PCDHA9: variants seen among roughly 807,000 people sequenced by gnomAD.
PCDHA9 encodes the protein protocadherin alpha-9.
In PCDHA9, 62 loss-of-function variants were observed where a neutral mutation model predicts 62.0. That is an observed-to-expected ratio of 1.00 (90% confidence interval 0.81 to 1.23). The LOEUF is 1.23. PCDHA9 is among the 50% of genes most tolerant of loss of function. PCDHA9 has a pLI of 0.00. For synonymous variants in PCDHA9, 557 were observed against 567.6 expected, an observed-to-expected ratio of 0.98 and a Z score of 0.27; for missense variants, 1,205 against 1,249.8, an observed-to-expected ratio of 0.96 and a Z score of 0.54.
intron 1 of PCDHA9, among the ~76,000 whole-genome samples, chr5:140,934,109 A>G (rs2089636629): frequency 6.6e-6 from 1 of 151,948 alleles, no homozygotes; most frequent in Non-Finnish European, 1.5e-5. Flanking sequence ...CTATTTTATT[A>G]ATTTTCATAC....
chr5:140,957,954 T>G (rs2095401085), intron 1 of PCDHA9, among the ~76,000 whole-genome samples: 2 of 152,138 alleles, frequency 1.3e-5, no homozygotes, highest in Admixed American at 1.3e-4. Context: ...TTAAGACTAT[T>G]AATTCAGAGA....
intron 3 of PCDHA9, among the ~76,000 whole-genome samples, chr5:140,994,726 G>T (rs774837274): frequency 3.0e-4 from 45 of 151,958 alleles, no homozygotes; most frequent in Non-Finnish European, 3.7e-4. Flanking sequence ...TAAAATACTG[G>T]GTATTGCAGG....
rs2150481125 is a variant in PCDHA9 at position 140,850,365 on chromosome 5, G to A, written c.1870G>A (p.Val624Met). 1 of 1,597,962 alleles carries A rather than the reference G, an allele frequency of 6.3e-7. No homozygotes were observed. Among genetic ancestry groups the A allele is most frequent in the South Asian group, 1.1e-5 (1 of 90,556 alleles). The change falls in exon 1 of 4, where the codon GTG (valine) becomes ATG (methionine). Residue 624 changes from valine (V) to methionine (M), a missense_variant. Val to Met is a conservative substitution (Grantham distance 21). Coordinates refer to ENST00000532602, the MANE Select transcript of PCDHA9 (RefSeq NM_031857.2). The part of the protein sequence containing the change: ...ETASASIPFR[V>M]GLYTGEISTT... ...GGCCAGCGCGAGCATCCCGTTCCGC[G>A]TGGGGCTGTACACGGGCGAGATCAG...
chr5:140,908,836 T>C (rs1206116511), intron 1 of PCDHA9, among the ~76,000 whole-genome samples: 4 of 152,200 alleles, frequency 2.6e-5, no homozygotes, highest in African/African-American at 9.7e-5. Flanking sequence ...ATAAATGGGC[T>C]GGAGTAACAT....
intron 1 of PCDHA9, chr5:140,868,100 ATTTAT>A (rs2153230738): frequency 1.3e-5 from 2 of 152,260 alleles, no homozygotes; most frequent in South Asian, 2.1e-4. Context: ...TGATAATAAA[ATTTAT>A]TTTATAGTTG....
At chr5:140,936,869 A>C (rs1249048598) in intron 1 of PCDHA9, among the ~76,000 whole-genome samples, 3 of 152,168 alleles carry the variant, frequency 2.0e-5, no homozygotes, top group Non-Finnish European at 4.4e-5. Context: ...TTCTATTTTA[A>C]AAAACCCTGC....
At chr5:140,853,282 C>T in intron 1 of PCDHA9, 5 of 980,348 alleles carry the variant, frequency 5.1e-6, no homozygotes, top group Non-Finnish European at 6.1e-6. Flanking sequence ...TCATCATATG[C>T]AAATTCTCAG....
intron 1 of PCDHA9, chr5:140,877,356 T>G (rs1227079705): frequency 9.9e-6 from 16 of 1,613,866 alleles, no homozygotes; most frequent in Non-Finnish European, 1.4e-5. Flanking sequence ...GGCTGTACAC[T>G]GGCGAGATCA....
At chr5:140,958,544 A>G (rs1218939069) in intron 1 of PCDHA9, among the ~76,000 whole-genome samples, 1 of 152,182 alleles carries the variant, frequency 6.6e-6, no homozygotes, top group Non-Finnish European at 1.5e-5. Flanking sequence ...TGATTTATGA[A>G]CCAATAAATG....
intron 1 of PCDHA9, chr5:140,854,468 A>G (rs1581342472): frequency 6.7e-6 from 1 of 150,046 alleles, no homozygotes; most frequent in African/African-American, 2.4e-5. Flanking sequence ...CCAGAGGAGT[A>G]GAGAAGTATA....
At chr5:140,917,127 C>T (rs1286418907) in intron 1 of PCDHA9, among the ~76,000 whole-genome samples, 1 of 152,072 alleles carries the variant, frequency 6.6e-6, no homozygotes, top group African/African-American at 2.4e-5. Context: ...CGCAGACTCC[C>T]CACGTTGCTC....
intron 1 of PCDHA9, among the ~76,000 whole-genome samples, chr5:140,953,024 G>A (rs2094834462): frequency 6.6e-6 from 1 of 152,026 alleles, no homozygotes; most frequent in South Asian, 2.1e-4. Context: ...AACATTAAGG[G>A]GGAAATCCAC....
chr5:140,954,536 T>C (rs1438016822), intron 1 of PCDHA9, among the ~76,000 whole-genome samples: 3 of 152,248 alleles, frequency 2.0e-5, no homozygotes, highest in African/African-American at 7.2e-5. Flanking sequence ...GTTGAGGTTT[T>C]TTTCATATGT....
At chr5:140,869,975 T>C (rs1562636456) in intron 1 of PCDHA9, 1 of 1,613,324 alleles carries the variant, frequency 6.2e-7, no homozygotes, top group Non-Finnish European at 8.5e-7. Flanking sequence ...GGAAGACACT[T>C]ATTTACACTA....
chr5:140,909,134 C>A (rs1337385284), intron 1 of PCDHA9, among the ~76,000 whole-genome samples: 3 of 152,140 alleles, frequency 2.0e-5, no homozygotes, highest in Non-Finnish European at 4.4e-5. Flanking sequence ...AGGTAATGAA[C>A]CAGTGTGATA....
intron 1 of PCDHA9, chr5:140,882,238 G>T: frequency 6.3e-7 from 1 of 1,583,494 alleles, no homozygotes; most frequent in Non-Finnish European, 8.6e-7. Context: ...TGTATATATT[G>T]CAGATAGCTC....
intron 3 of PCDHA9, among the ~76,000 whole-genome samples, chr5:140,996,686 T>G (rs1447702915): frequency 2.6e-5 from 4 of 152,214 alleles, no homozygotes; most frequent in Non-Finnish European, 5.9e-5. Flanking sequence ...TGGGCTAGTA[T>G]TCTTCTGAAC....
chr5:140,938,979 C>T (rs1485638673), intron 1 of PCDHA9, among the ~76,000 whole-genome samples: 2 of 152,158 alleles, frequency 1.3e-5, no homozygotes, highest in Non-Finnish European at 2.9e-5. Flanking sequence ...TCAAGGCTAT[C>T]CTGGCTTTAT....
chr5:140,997,668 T>TTGTGTGTGTGTGTGTG (rs35184029), intron 3 of PCDHA9, among the ~76,000 whole-genome samples: 13 of 148,244 alleles, frequency 8.8e-5, no homozygotes, highest in African/African-American at 2.2e-4. Flanking sequence ...ATTATACAGC[T>TTGTGTGTGTGTGTGTG]TGTGTGTGTG....
Sources: allele counts gnomAD v4.1 joint callset (sites outside exome capture counted in the v4.1 genomes callset), GRCh38; gene constraint gnomAD v4.1.1; transcripts MANE v1.5; gene names NCBI Gene and HGNC (gene_info 2026-07-23, HGNC 2026-07-21).